Variants in MACROD2 observed in about 807,000 individuals in gnomAD.
MACROD2 encodes the protein ADP-ribose glycohydrolase MACROD2.
A neutral mutation model predicts 70.4 loss-of-function variants in MACROD2; 36 were observed. The ratio of observed to expected loss-of-function variants is 0.51; its 90% CI spans 0.39 to 0.68. The LOEUF (loss-of-function observed/expected upper bound fraction) is 0.68, where lower values mean the gene tolerates loss of function less well. MACROD2 is among the 30% of genes least tolerant of loss of function. The probability of loss-of-function intolerance (pLI) is 0.00; values close to 1 mark genes in which losing one functional copy is unlikely to be tolerated. For synonymous variants in MACROD2, 172 were observed against 178.8 expected (o/e 0.96, Z 0.30); for missense variants, 496 against 538.4 (o/e 0.92, Z 0.78).
At chr20:14,535,716 C>T (rs73901271) in intron 4 of MACROD2, among the ~76,000 whole-genome samples, 30,094 of 151,676 alleles carry the variant, frequency 0.2, 3,562 homozygotes, top group African/African-American at 0.31. Flanking sequence ...GTGATTTTAC[C>T]AGGACCCTCA....
chr20:14,624,033 T>C (rs1425264187), intron 4 of MACROD2, among the ~76,000 whole-genome samples: 1 of 152,206 alleles, frequency 6.6e-6, no homozygotes, highest in Non-Finnish European at 1.5e-5. Context: ...GAACCTGGAC[T>C]GTCTGGACAT....
chr20:14,433,434 A>C (rs1600232085), intron 3 of MACROD2, among the ~76,000 whole-genome samples: 2 of 152,314 alleles, frequency 1.3e-5, no homozygotes, highest in East Asian at 3.9e-4. Flanking sequence ...TAATACAGAA[A>C]ATAAAGTGAA....
intron 6 of MACROD2, among the ~76,000 whole-genome samples, chr20:15,314,179 A>C (rs984118591): frequency 1.6e-4 from 25 of 152,192 alleles, no homozygotes; most frequent in Non-Finnish European, 3.1e-4. Flanking sequence ...TTGCTTTTGG[A>C]AACCAAGAAA....
chr20:14,212,041 T>C (rs1376511587), intron 3 of MACROD2, among the ~76,000 whole-genome samples: 1 of 152,220 alleles, frequency 6.6e-6, no homozygotes, highest in Non-Finnish European at 1.5e-5. Context: ...AATTACTGTC[T>C]GAATACATAC....
intron 15 of MACROD2, among the ~76,000 whole-genome samples, chr20:16,018,815 C>T (rs2066964301): frequency 1.3e-5 from 2 of 152,046 alleles, no homozygotes; most frequent in Admixed American, 6.6e-5. Context: ...TAATTGTTGC[C>T]CCCCTTCAAG....
intron 5 of MACROD2, among the ~76,000 whole-genome samples, chr20:14,871,617 T>C (rs1008322925): frequency 1.3e-5 from 2 of 151,904 alleles, no homozygotes; most frequent in African/African-American, 4.8e-5. Context: ...CATAAACAAG[T>C]CTGAAAAATA....
intron 7 of MACROD2, among the ~76,000 whole-genome samples, chr20:15,443,934 TA>T (rs1438778010): frequency 6.6e-6 from 1 of 152,194 alleles, no homozygotes; most frequent in Non-Finnish European, 1.5e-5. Flanking sequence ...AGTCAGTTAA[TA>T]AAAATAGAGC....
intron 8 of MACROD2, among the ~76,000 whole-genome samples, chr20:15,658,098 G>A (rs2049758839): frequency 6.6e-6 from 1 of 152,018 alleles, no homozygotes; most frequent in African/African-American, 2.4e-5. Context: ...TAATAGCAGA[G>A]CTTGTTGCCT....
rs561450894 is a variant in MACROD2, at chr20:14,775,914, G to A, written c.418+90955G>A. Among the ~76,000 whole-genome samples, 3 of 152,116 alleles carry A rather than the reference G, an allele frequency of 2.0e-5. No homozygotes were observed. In the South Asian group the frequency reaches 6.2e-4, roughly 32 times the overall value. ...ATATCAACCTTTGACAATTCAAAGA[G>A]CAAACAGAAGATTGGGTTACTTCTG... On this transcript the variant is annotated intron_variant, in intron 5 of 17. Coordinates refer to ENST00000684519, the MANE Select transcript of MACROD2 (RefSeq NM_001351661.2).
At chr20:14,250,448 C>A (rs1229169707) in intron 3 of MACROD2, among the ~76,000 whole-genome samples, 1 of 152,006 alleles carries the variant, frequency 6.6e-6, no homozygotes, top group African/African-American at 2.4e-5. Context: ...TGAATACTTA[C>A]CTACTACCCT....
At chr20:15,523,768 C>T (rs1247039851) in intron 8 of MACROD2, among the ~76,000 whole-genome samples, 1 of 152,112 alleles carries the variant, frequency 6.6e-6, no homozygotes, top group African/African-American at 2.4e-5. Flanking sequence ...TGTTTGTCTT[C>T]ATTCTTTCTC....
chr20:15,187,315 A>G (rs1454765468), intron 5 of MACROD2, among the ~76,000 whole-genome samples: 2 of 152,200 alleles, frequency 1.3e-5, no homozygotes, highest in East Asian at 3.8e-4. Flanking sequence ...CTTACATCAA[A>G]CTCAATAATT....
At chr20:14,338,980 G>A (rs62207606) in intron 3 of MACROD2, among the ~76,000 whole-genome samples, 2 of 152,046 alleles carry the variant, frequency 1.3e-5, no homozygotes, top group Non-Finnish European at 2.9e-5. Flanking sequence ...ATCTTTATTT[G>A]CTCTATTCTT....
At chr20:14,884,820 G>C (rs1355086141) in intron 5 of MACROD2, among the ~76,000 whole-genome samples, 1 of 152,088 alleles carries the variant, frequency 6.6e-6, no homozygotes, top group Non-Finnish European at 1.5e-5. Context: ...AAGCCTGGAG[G>C]CTTCATCTGT....
intron 8 of MACROD2, among the ~76,000 whole-genome samples, chr20:15,518,172 G>T (rs2047596668): frequency 6.6e-6 from 1 of 152,248 alleles, no homozygotes; most frequent in Non-Finnish European, 1.5e-5. Flanking sequence ...CACACAGTTT[G>T]AGATGTCTGA....
At chr20:14,329,729 C>A (rs1432634582) in intron 3 of MACROD2, among the ~76,000 whole-genome samples, 2 of 151,786 alleles carry the variant, frequency 1.3e-5, no homozygotes, top group Admixed American at 6.6e-5. Context: ...GCCAAGGTAA[C>A]TTTTTAGGCA....
intron 6 of MACROD2, among the ~76,000 whole-genome samples, chr20:15,416,107 C>A (rs1203070929): frequency 6.6e-6 from 1 of 152,198 alleles, no homozygotes; most frequent in East Asian, 1.9e-4. Flanking sequence ...GCTGTCATAT[C>A]TCCTTGCAGA....
intron 4 of MACROD2, among the ~76,000 whole-genome samples, chr20:14,671,565 C>T (rs967009229): frequency 1.4e-4 from 22 of 152,220 alleles, no homozygotes; most frequent in African/African-American, 4.1e-4. Context: ...TCAGTCCCTA[C>T]GTTTTTGGAT....
At chr20:14,534,469 G>A (rs1422580910) in intron 4 of MACROD2, among the ~76,000 whole-genome samples, 1 of 152,140 alleles carries the variant, frequency 6.6e-6, no homozygotes, top group African/African-American at 2.4e-5. Flanking sequence ...CTTAAATATA[G>A]AAAAGAAATT....
Sources: gnomAD v4.1 joint callset for allele counts (sites outside exome capture counted in the v4.1 genomes callset) on GRCh38, gnomAD v4.1.1 for gene constraint, MANE v1.5 for transcripts, NCBI Gene and HGNC (gene_info 2026-07-23, HGNC 2026-07-21) for gene names.